Variants in ZDHHC7 observed in about 807,000 individuals in gnomAD.
ZDHHC7 encodes palmitoyltransferase ZDHHC7.
A neutral mutation model predicts 34.1 loss-of-function variants in ZDHHC7; 12 were observed. That is an observed-to-expected ratio of 0.35 (90% CI 0.23 to 0.57). ZDHHC7 has a LOEUF of 0.57. Among genes scored for constraint, ZDHHC7 ranks in the 20% least tolerant of loss-of-function variants. The pLI is 0.84. For missense variants in ZDHHC7, 388 were observed against 402.7 expected (o/e 0.96, Z 0.31); for synonymous variants, 185 against 155.4 (o/e 1.19, Z -1.42).
At position 84,981,970 on chromosome 16, in the gene ZDHHC7, T is replaced by C. The variant is rs756079756; in HGVS notation, c.340A>G (p.Thr114Ala). 1.9e-6 allele frequency: 3 copies of C among 1,614,198 alleles called. No individual in the cohort carries two copies. The highest frequency in any genetic ancestry group is 2.2e-5 in the East Asian group (1 of 44,878). ...DPGAVPKGNA[T>A]KEYMESLQLK... ...TGCAAGCTCTCCATGTATTCTTTCG[T>C]AGCGTTTCCTTTGGGTACTGCCCCC... Residue 114 changes from threonine (T) to alanine (A), a missense_variant, in exon 4 of 8, where the codon ACG (threonine) becomes GCG (alanine). Transcript: ENST00000313732.
At chr16:85,005,572 C>T (rs759024125) in intron 1 of ZDHHC7, among the ~76,000 whole-genome samples, 8 of 152,208 alleles carry the variant, frequency 5.3e-5, no homozygotes, top group Non-Finnish European at 7.3e-5. Flanking sequence ...ATTCCAAAGC[C>T]CGTGTTCTTC....
At position 84,979,200 on chromosome 16, in the gene ZDHHC7, C is replaced by CA; in HGVS notation, c.525dup (p.Val176CysfsTer32). 6.3e-7 allele frequency: 1 copy of CA among 1,597,590 alleles called. No homozygotes were observed. Among genetic ancestry groups the CA allele is most frequent in the Non-Finnish European group, 8.5e-7 (1 of 1,175,754 alleles). ...ATATTTTTACTTACAGTGAAGAGCA[C>CA]AAAAAATCTTTGATTCTTTTCTCCT... On this transcript the variant is annotated frameshift_variant, in exon 5 of 8. Transcript: ENST00000313732. LOFTEE classifies it high-confidence loss of function.
At chr16:85,009,853 C>A (rs9935350) in intron 1 of ZDHHC7, among the ~76,000 whole-genome samples, 1 of 151,412 alleles carries the variant, frequency 6.6e-6, no homozygotes, top group African/African-American at 2.4e-5. Context: ...GGACTACAGG[C>A]GCCCACCACC....
chr16:84,977,836 T>A (rs2072317825), intron 6 of ZDHHC7, 88 bp downstream of exon 6: 1 of 1,055,234 alleles, frequency 9.5e-7, no homozygotes, highest in African/African-American at 1.7e-5. Context: ...CCTTCAAAAT[T>A]GGAAAACTGG....
the ZDHHC7 span, among the ~76,000 whole-genome samples, chr16:85,020,865 G>C: frequency 1.3e-5 from 2 of 152,128 alleles, no homozygotes; most frequent in Non-Finnish European, 2.9e-5. Flanking sequence ...AGCATTTTGG[G>C]AGGCTGAGCG....
At chr16:84,999,327 C>T (rs1373322502) in intron 1 of ZDHHC7, among the ~76,000 whole-genome samples, 1 of 152,116 alleles carries the variant, frequency 6.6e-6, no homozygotes, top group Non-Finnish European at 1.5e-5. Context: ...CAAAGTTAAA[C>T]AAATACCTAC....
intron 3 of ZDHHC7, among the ~76,000 whole-genome samples, chr16:84,986,155 GA>G (rs1300385217): frequency 6.6e-6 from 1 of 152,138 alleles, no homozygotes; most frequent in Non-Finnish European, 1.5e-5. Flanking sequence ...TGGGGGAGGG[GA>G]ACGGCGTGGG....
Position 84,975,355 on chromosome 16 carries a change from A to C in ZDHHC7, c.*988T>G, listed in dbSNP as rs896032984. 3 of 152,166 alleles carry C rather than the reference A, an allele frequency of 2.0e-5. No individual in the cohort carries two copies. Among genetic ancestry groups the C allele is most frequent in the African/African-American group, 7.3e-5 (3 of 41,322 alleles). 9.4% of individuals were successfully genotyped at this position (152,166 alleles called of 1,614,324 possible). A position where few individuals can be genotyped will look rare whatever the true frequency, so the allele number is the denominator to read the frequency against. On this transcript the variant is annotated 3_prime_UTR_variant, in exon 8 of 8. Coordinates refer to ENST00000313732, the MANE Select transcript of ZDHHC7 (RefSeq NM_017740.3). ...CCAGTAAGGATGCCTCCCCTGCCCC[A>C]CACACAGCATCGGGCTGCCCCAAGT...
intron 4 of ZDHHC7, among the ~76,000 whole-genome samples, chr16:84,979,722 T>C (rs2072341555): frequency 1.3e-5 from 2 of 152,186 alleles, no homozygotes; most frequent in Admixed American, 1.3e-4. Context: ...ATATGCAGTA[T>C]GGATTGCATA....
chr16:84,986,381 C>T (rs774553760), intron 3 of ZDHHC7, among the ~76,000 whole-genome samples: 2 of 152,228 alleles, frequency 1.3e-5, no homozygotes, highest in East Asian at 1.9e-4. Context: ...ACTGCTGTGA[C>T]GGTGGGAGGA....
Position 85,011,414 on chromosome 16 carries a change from C to T in ZDHHC7, c.-232G>A, listed in dbSNP as rs1043717423. The T allele has an allele frequency of 6.6e-6, 1 of 152,398 alleles. No homozygotes were observed. Among genetic ancestry groups the T allele is most frequent in the Admixed American group, 6.6e-5 (1 of 15,254 alleles). 9.4% of individuals were successfully genotyped at this position (152,398 alleles called of 1,614,324 possible). ...CTCATGGCCGGGCTGGAGCGGGCCCCGCGGCTCGGCTCGGCTTGGTCCCCT... is the reference window on the plus strand; with the variant it reads ...CTCATGGCCGGGCTGGAGCGGGCCCTGCGGCTCGGCTCGGCTTGGTCCCCT... On this transcript the variant is annotated 5_prime_UTR_variant, in exon 1 of 8. Coordinates refer to ENST00000313732, the MANE Select transcript of ZDHHC7 (RefSeq NM_017740.3).
the ZDHHC7 span, among the ~76,000 whole-genome samples, chr16:85,023,784 A>T: frequency 6.6e-6 from 1 of 151,092 alleles, no homozygotes; most frequent in East Asian, 2.0e-4. Context: ...ATGCCCAGCT[A>T]ATTTTTTGTA....
At chr16:84,980,364 T>G (rs537452291) in intron 4 of ZDHHC7, among the ~76,000 whole-genome samples, 1 of 152,116 alleles carries the variant, frequency 6.6e-6, no homozygotes, top group Non-Finnish European at 1.5e-5. Context: ...AACAGATTTA[T>G]TGAAGTATAA....
intron 2 of ZDHHC7, among the ~76,000 whole-genome samples, chr16:84,990,995 C>T (rs1300610770): frequency 6.6e-6 from 1 of 152,180 alleles, no homozygotes; most frequent in African/African-American, 2.4e-5. Flanking sequence ...GCGCCTGCTC[C>T]CCTGAGCCCC....
chr16:84,997,555 G>A (rs1307178223), intron 1 of ZDHHC7, among the ~76,000 whole-genome samples: 1 of 151,244 alleles, frequency 6.6e-6, no homozygotes, highest in South Asian at 2.1e-4. Context: ...AAAGGTGTGA[G>A]ACAGCGCACC....
intron 3 of ZDHHC7, among the ~76,000 whole-genome samples, chr16:84,985,016 T>C (rs2072418593): frequency 6.6e-6 from 1 of 152,192 alleles, no homozygotes; most frequent in Non-Finnish European, 1.5e-5. Context: ...TTGAGCACAT[T>C]CCTCAGTTCC....
At position 84,976,479 on chromosome 16, in the gene ZDHHC7, C is replaced by T. The variant is rs779828146; in HGVS notation, c.791G>A (p.Arg264Gln). ...RLKSEKPTWE[R>Q]RLRWEGMKSV... ...CTTCATCCCTTCCCATCGCAGCCTC[C>T]GCTCCCATGTGGGCTTCTCACTTTT... is the stretch of plus-strand genomic sequence containing the variant. Residue 264 changes from arginine to glutamine, a missense_variant, in exon 8 of 8, where the codon CGG (arginine) becomes CAG (glutamine). By Grantham distance (43) the Arg-to-Gln change is conservative (BLOSUM62 1). Transcript: ENST00000313732. The T allele has an allele frequency of 4.3e-6, 7 of 1,613,930 alleles. No homozygotes were observed. The highest frequency in any genetic ancestry group is 1.7e-4 in the Middle Eastern group (1 of 5,996).
At chr16:84,979,436 A>C in intron 4 of ZDHHC7, 151 bp from the exon 5 acceptor site, 1 of 1,226,634 alleles carries the variant, frequency 8.2e-7, no homozygotes, top group Non-Finnish European at 1.1e-6. Context: ...TATTCCTTTA[A>C]GGTTTATCAT....
rs962519130 is a variant in ZDHHC7, at chr16:84,975,681, T to C, written c.*662A>G. The stretch of plus-strand genomic sequence containing the variant: ...TTTGCTGTACACAGCCGGTAAATGT[T>C]ACATTGCCTAAACAACACTGGCAAT... On this transcript the variant is annotated 3_prime_UTR_variant, in exon 8 of 8. Coordinates refer to ENST00000313732, the MANE Select transcript of ZDHHC7 (RefSeq NM_017740.3). 2 of 152,734 alleles carry C rather than the reference T, an allele frequency of 1.3e-5. No individual in the cohort carries two copies. The highest frequency in any genetic ancestry group is 4.8e-5 in the African/African-American group (2 of 41,476). The allele number at this position is 152,734 out of a possible 1,614,324, so 9.5% of individuals were successfully genotyped here. A position where few individuals can be genotyped will look rare whatever the true frequency, so the allele number is the denominator to read the frequency against.
Sources: gnomAD v4.1 joint callset for allele counts (sites outside exome capture counted in the v4.1 genomes callset) on GRCh38, gnomAD v4.1.1 for gene constraint, MANE v1.5 for transcripts, NCBI Gene and HGNC (gene_info 2026-07-23, HGNC 2026-07-21) for gene names.